The following ZNF81 variants were observed in gnomAD, a reference collection of about 807,000 sequenced individuals.
The protein encoded by ZNF81 is zinc finger protein 81.
In ZNF81, 5 loss-of-function variants were observed where a neutral mutation model predicts 32.3. The observed-to-expected ratio is 0.15, with a 90% CI of 0.08 to 0.33. The LOEUF (loss-of-function observed/expected upper bound fraction) is 0.33, where lower values mean the gene tolerates loss of function less well. Ranked by LOEUF, ZNF81 falls within the 10% of genes least tolerant of loss-of-function variation. The probability of loss-of-function intolerance (pLI) is 1.00; values close to 1 mark genes in which losing one functional copy is unlikely to be tolerated. For synonymous variants in ZNF81, 163 were observed against 166.8 expected (o/e 0.98, Z 0.17); for missense variants, 379 against 479.8 (o/e 0.79, Z 1.96).
Position 47,915,535 on chromosome X carries a change from A to T in ZNF81, c.889A>T (p.Thr297Ser), listed in dbSNP as rs1556890588. The change falls in exon 5 of 5, where the codon ACT becomes TCT. Residue 297 changes from threonine to serine, a missense_variant. Physicochemically the swap from Thr to Ser is moderately conservative, Grantham distance 58. This residue lies in a region of ZNF81 where 277 missense variants were observed against 306.6 expected (regional missense o/e 0.90). Transcript: ENST00000338637. ...TTTCTTTGCTCCTCAAAAAATTCAT[A>T]CTGTGGAAAAACCTCATGAGCTTAG... ...SHFFAPQKIH[T>S]VEKPHELSKC... 1 of 1,211,621 alleles carries T rather than the reference A, an allele frequency of 8.3e-7. No homozygotes were observed. The highest frequency in any genetic ancestry group is 2.2e-5 in the Admixed American group (1 of 45,959).
chrX:47,883,023 C>G (rs782776833), intron 2 of ZNF81, among the ~76,000 whole-genome samples: 12 of 112,514 alleles, frequency 1.1e-4, no homozygotes, highest in Non-Finnish European at 1.9e-4. Flanking sequence ...AAGAAATTGT[C>G]AAACAAGTTT....
chrX:47,891,157 A>G lies in ZNF81; in HGVS notation c.181+3032A>G, dbSNP rs191390527. Among the ~76,000 whole-genome samples, 4 of 112,527 alleles carry G rather than the reference A, an allele frequency of 3.6e-5. No individual in the cohort carries two copies. In the East Asian group the frequency reaches 1.1e-3, roughly 31 times the overall value. On this transcript the variant is annotated intron_variant, in intron 3 of 4. Transcript: ENST00000338637. ...GGTGTATAGCTGGCCTTCCCAGCCA[A>G]AAACAAACTGCTTCTAGTGGTCTTT...
rs949731534 is a variant in ZNF81 at position 47,918,440 on chromosome X, T to G, written c.*1808T>G. The G allele has an allele frequency of 2.2e-4, 25 of 111,541 alleles. No individual in the cohort carries two copies. Among genetic ancestry groups the G allele is most frequent in the African/African-American group, 7.8e-4 (24 of 30,628 alleles). 9.2% of individuals were successfully genotyped at this position (111,541 alleles called of 1,213,427 possible). ...GTTGTCCCATAGAAGCCTGACATAC[T>G]ACTCAAAGTGGAGAGAGACCTATCT... On this transcript the variant is annotated 3_prime_UTR_variant, in exon 5 of 5. Coordinates refer to ENST00000338637, the MANE Select transcript of ZNF81 (RefSeq NM_007137.5).
Position 47,917,465 on chromosome X carries a change from G to A in ZNF81, c.*833G>A, listed in dbSNP as rs1315369137. ...GACTTTCTTTGGCCAATGGAAATTA[G>A]CAAAGAGAATCAATAAGAAGCTTGA... is the stretch of plus-strand genomic sequence containing the variant. On this transcript the variant is annotated 3_prime_UTR_variant, in exon 5 of 5. Transcript: ENST00000338637. The A allele has an allele frequency of 7.0e-6, 2 of 286,214 alleles. No individual in the cohort carries two copies. The highest frequency in any genetic ancestry group is 1.2e-4 in the Admixed American group (2 of 16,030). The allele number at this position is 286,214 out of a possible 1,213,427, so 23.6% of individuals were successfully genotyped here.
intron 4 of ZNF81, among the ~76,000 whole-genome samples, 189 bp downstream of exon 4, chrX:47,896,129 T>TGTC (rs782278965): frequency 7.1e-5 from 8 of 112,008 alleles, no homozygotes; most frequent in African/African-American, 2.6e-4. Context: ...TGTTATCACC[T>TGTC]GTCTTCTTTG....
intron 4 of ZNF81, among the ~76,000 whole-genome samples, chrX:47,908,605 C>G (rs1279093914): frequency 8.9e-6 from 1 of 111,798 alleles, no homozygotes; most frequent in Non-Finnish European, 1.9e-5. Context: ...CCAGCTTTAG[C>G]GTAATTGCTC....
intron 1 of ZNF81, among the ~76,000 whole-genome samples, chrX:47,840,750 C>T (rs1490831368): frequency 1.8e-5 from 2 of 111,667 alleles, no homozygotes; most frequent in Admixed American, 9.4e-5. Flanking sequence ...TCAGGTGATC[C>T]GCCCGCTTTG....
At chrX:47,888,622 G>A (rs1309074856) in intron 3 of ZNF81, among the ~76,000 whole-genome samples, 2 of 110,708 alleles carry the variant, frequency 1.8e-5, no homozygotes, top group African/African-American at 6.6e-5. Flanking sequence ...CCTAGTTTGT[G>A]GTACTTTGTT....
chrX:47,915,297 G>A lies in ZNF81; in HGVS notation c.651G>A (p.Leu217=), dbSNP rs1556890517. 2.5e-6 allele frequency: 3 copies of A among 1,211,403 alleles called. No individual in the cohort carries two copies. The highest frequency in any genetic ancestry group is 3.4e-6 in the Non-Finnish European group (3 of 895,388). The change falls in exon 5 of 5, where the codon CTG becomes CTA. Residue 217 remains leucine, a synonymous_variant. Transcript: ENST00000338637. ...IHNKSNAAKN[L]DKTIGHGQVF... is the part of the protein sequence containing the mutation. ...ATAAAAGCAATGCAGCAAAGAACCTGGATAAAACTATTGGGCATGGTCAAG... is the reference window on the plus strand; with the variant it reads ...ATAAAAGCAATGCAGCAAAGAACCTAGATAAAACTATTGGGCATGGTCAAG...
At position 47,920,229 on chromosome X, in the gene ZNF81, C is replaced by T. The variant is rs2058771538; in HGVS notation, c.*3597C>T. The T allele has an allele frequency of 1.8e-5, 2 of 112,046 alleles. No homozygotes were observed. The highest frequency in any genetic ancestry group is 3.8e-5 in the Non-Finnish European group (2 of 53,239). 9.2% of individuals were successfully genotyped at this position (112,046 alleles called of 1,213,427 possible). ...CCAGAGAATTTTTATTTTTCCCAGA[C>T]CACACTTGCCTTTAGGCCTGTAGGC... On this transcript the variant is annotated 3_prime_UTR_variant, in exon 5 of 5. Transcript: ENST00000338637.
intron 2 of ZNF81, among the ~76,000 whole-genome samples, chrX:47,854,663 C>T (rs1402167829): frequency 9.0e-6 from 1 of 111,474 alleles, no homozygotes; most frequent in East Asian, 2.8e-4. Flanking sequence ...AGACAGGGAA[C>T]GGGCCAGTAG....
chrX:47,880,662 G>T (rs1258034403), intron 2 of ZNF81, among the ~76,000 whole-genome samples: 6 of 111,938 alleles, frequency 5.4e-5, no homozygotes, highest in Non-Finnish European at 1.1e-4. Context: ...CCTCTTTCTT[G>T]ATATATAAAA....
chrX:47,846,682 GA>G lies in ZNF81; in HGVS notation c.54+371del, dbSNP rs1180490156. On this transcript the variant is annotated intron_variant, in intron 2 of 4. Transcript: ENST00000338637. ...AATAGTTCTCTAAGTCTTGTTTAAAGAAAAAAAAAAGCTCTTCCATGCTTTG... is the reference window on the plus strand; with the variant it reads ...AATAGTTCTCTAAGTCTTGTTTAAAGAAAAAAAAAGCTCTTCCATGCTTTG... 6.8e-3 allele frequency among the ~76,000 whole-genome samples: 724 copies of G among 106,848 alleles called. 1 individual carries two copies. The highest frequency in any genetic ancestry group is 0.038 in the Middle Eastern group (8 of 213). 92.8% of individuals were successfully genotyped at this position (106,848 alleles called of 115,157 possible). A position where few individuals can be genotyped will look rare whatever the true frequency, so the allele number is the denominator to read the frequency against.
rs1556886059 is a variant in ZNF81, at chrX:47,888,113, C to A, written c.169C>A (p.Leu57Met). The A allele has an allele frequency of 8.3e-7, 1 of 1,207,242 alleles. No individual in the cohort carries two copies. Among genetic ancestry groups the A allele is most frequent in the Non-Finnish European group, 1.1e-6 (1 of 894,052 alleles). The change falls in exon 3 of 5, where the codon CTG becomes ATG. Residue 57 changes from leucine (L) to methionine (M), a missense_variant. Transcript: ENST00000338637. ...QDVMLENYSH[L>M]LSVGFEVPKP... The stretch of plus-strand genomic sequence containing the variant: ...TGTAATGTTGGAGAACTACAGCCAC[C>A]TGCTCTCAGTGGGTAAGGACAACCA...
intron 2 of ZNF81, among the ~76,000 whole-genome samples, chrX:47,848,116 C>T (rs190832326): frequency 9.5e-4 from 105 of 110,550 alleles, no homozygotes; most frequent in Non-Finnish European, 1.1e-4. Context: ...GGGGTTTCAC[C>T]GTGTTAGCCA....
intron 4 of ZNF81, among the ~76,000 whole-genome samples, chrX:47,898,981 A>G (rs1375674487): frequency 8.9e-6 from 1 of 112,039 alleles, no homozygotes; most frequent in African/African-American, 3.2e-5. Context: ...TGCTAAATCT[A>G]CCTATTAGTT....
chrX:47,872,398 G>C (rs1199812900), intron 2 of ZNF81, among the ~76,000 whole-genome samples: 1 of 111,754 alleles, frequency 8.9e-6, no homozygotes, highest in Non-Finnish European at 1.9e-5. Context: ...CCTCCAGTGA[G>C]ACAGATTTCC....
At chrX:47,894,892 C>A (rs782061921) in intron 3 of ZNF81, among the ~76,000 whole-genome samples, 3 of 111,804 alleles carry the variant, frequency 2.7e-5, no homozygotes, top group Non-Finnish European at 3.8e-5. Flanking sequence ...CATAGGTTCA[C>A]AGATAGAGAG....
At chrX:47,840,180 T>G (rs1556879582) in intron 1 of ZNF81, among the ~76,000 whole-genome samples, 1 of 108,333 alleles carries the variant, frequency 9.2e-6, no homozygotes, top group African/African-American at 3.4e-5. Flanking sequence ...TGTGCCTTTC[T>G]TCCTATGTGT....
Sources: gnomAD v4.1 joint callset for allele counts (sites outside exome capture counted in the v4.1 genomes callset) on GRCh38, gnomAD v4.1.1 for gene constraint, gnomAD v4.1.1 regional missense constraint, MANE v1.5 for transcripts, NCBI Gene and HGNC (gene_info 2026-07-23, HGNC 2026-07-21) for gene names.